The following CSTF1 variants were observed in gnomAD, a reference collection of about 807,000 sequenced individuals.
CSTF1 encodes cleavage stimulation factor subunit 1.
CSTF1 carries 2 observed loss-of-function variants against 40.9 expected under a neutral mutation model. The observed-to-expected ratio is 0.05, with a 90% CI of 0.02 to 0.15. The LOEUF (loss-of-function observed/expected upper bound fraction) is 0.15, where lower values mean the gene tolerates loss of function less well. Among genes scored for constraint, CSTF1 ranks in the 10% least tolerant of loss-of-function variants. The probability of loss-of-function intolerance (pLI) is 1.00; values close to 1 mark genes in which losing one functional copy is unlikely to be tolerated. For missense variants in CSTF1, 279 were observed against 558.9 expected (o/e 0.50, Z 5.05); for synonymous variants, 218 against 207.2 (o/e 1.05, Z -0.45).
intron 1 of CSTF1, among the ~76,000 whole-genome samples, chr20:56,393,913 T>G (rs1017177917): frequency 1.3e-5 from 2 of 152,152 alleles, no homozygotes; most frequent in Non-Finnish European, 2.9e-5. Flanking sequence ...TGCCCTCAGT[T>G]CAAGGTAATC....
rs1987553095 is a variant in CSTF1, at chr20:56,397,576, C to T, written c.448-68C>T. 1.3e-6 allele frequency: 2 copies of T among 1,596,804 alleles called. No individual in the cohort carries two copies. The highest frequency in any genetic ancestry group is 8.6e-7 in the Non-Finnish European group (1 of 1,165,802). ...GGTTGAAACCAGCTTTAGTTTGCTA[C>T]AGTTGTGGATTGTGCACTTGGATTC... is the stretch of plus-strand genomic sequence containing the variant. On this transcript the variant is annotated intron_variant, in intron 3 of 5. Coordinates refer to ENST00000217109, the MANE Select transcript of CSTF1 (RefSeq NM_001324.3). The surrounding 1 kb of genome is among the most constrained non-coding windows in gnomAD (Gnocchi z 4.4).
chr20:56,397,092 G>C lies in CSTF1; in HGVS notation c.170-115G>C. The C allele has an allele frequency of 8.6e-7, 1 of 1,156,788 alleles. No homozygotes were observed. Among genetic ancestry groups the C allele is most frequent in the South Asian group, 1.5e-5 (1 of 66,312 alleles). The allele number at this position is 1,156,788 out of a possible 1,614,324, so 71.7% of individuals were successfully genotyped here. On this transcript the variant is annotated intron_variant, in intron 2 of 5. Coordinates refer to ENST00000217109, the MANE Select transcript of CSTF1 (RefSeq NM_001324.3). This position sits in a 1 kb window ranked among gnomAD's most constrained non-coding sequence, Gnocchi z 4.4. ...AGTGTTAGGTGTCACGCGGCTCCAA[G>C]AAATAGGAGGTTGACACTGGTGAGC...
At chr20:56,394,655 C>G (rs188199294) in intron 1 of CSTF1, among the ~76,000 whole-genome samples, 154 of 152,336 alleles carry the variant, frequency 1.0e-3, no homozygotes, top group Middle Eastern at 3.4e-3. Context: ...ACACCTGTAG[C>G]CTTTTAATCT....
chr20:56,403,342 A>G (rs1978553610), intron 5 of CSTF1, 126 bp from the exon 6 acceptor site: 1 of 1,124,254 alleles, frequency 8.9e-7, no homozygotes, highest in Non-Finnish European at 1.3e-6. Flanking sequence ...ACTTTTTTAG[A>G]GTTTCTGAAA....
rs1978614824 is a variant in CSTF1 at position 56,404,403 on chromosome 20, T to G, written c.*676T>G. 1 of 152,238 alleles carries G rather than the reference T, an allele frequency of 6.6e-6. No homozygotes were observed. Among genetic ancestry groups the G allele is most frequent in the Non-Finnish European group, 1.5e-5 (1 of 68,040 alleles). 9.4% of individuals were successfully genotyped at this position (152,238 alleles called of 1,614,324 possible). On this transcript the variant is annotated 3_prime_UTR_variant, in exon 6 of 6. Coordinates refer to ENST00000217109, the MANE Select transcript of CSTF1 (RefSeq NM_001324.3). ...TTAGTAACTGTATTTCTGGTAAGAT[T>G]ATGATTTCATGAGAAACAATTGAAA...
In CSTF1 at chr20:56,404,609, G is replaced by T. The variant is rs1383459764; in HGVS notation, c.*882G>T. On this transcript the variant is annotated 3_prime_UTR_variant, in exon 6 of 6. Coordinates refer to ENST00000217109, the MANE Select transcript of CSTF1 (RefSeq NM_001324.3). Reference sequence around the variant, plus strand: ...GTAACTGCATTCTCAGAAGATTTATGCAGTTAACCAATTGATACAAGTTTT... The same window carrying T: ...GTAACTGCATTCTCAGAAGATTTATTCAGTTAACCAATTGATACAAGTTTT... 1 of 151,600 alleles carries T rather than the reference G, an allele frequency of 6.6e-6. No homozygotes were observed. The highest frequency in any genetic ancestry group is 1.5e-5 in the Non-Finnish European group (1 of 67,916). 9.4% of individuals were successfully genotyped at this position (151,600 alleles called of 1,614,324 possible).
chr20:56,403,410 C>A, intron 5 of CSTF1, 58 bp from the exon 6 acceptor site: 1 of 1,594,192 alleles, frequency 6.3e-7, no homozygotes, highest in Non-Finnish European at 8.6e-7. Flanking sequence ...AATGCTAGAA[C>A]GTTCTGAGGG....
chr20:56,399,916 G>A lies in CSTF1; in HGVS notation c.1036+559G>A, dbSNP rs1183343650. On this transcript the variant is annotated intron_variant, in intron 5 of 5. Transcript: ENST00000217109. The surrounding 1 kb of genome is among the most constrained non-coding windows in gnomAD (Gnocchi z 4.6). ...CTCATTGGTAACAGTAGTGCCTGTGGAGTCTTTTTATAATGAAATCCATTT... is the reference window on the plus strand; with the variant it reads ...CTCATTGGTAACAGTAGTGCCTGTGAAGTCTTTTTATAATGAAATCCATTT... Among the ~76,000 whole-genome samples, 1 of 152,166 alleles carries A rather than the reference G, an allele frequency of 6.6e-6. No homozygotes were observed. The highest frequency in any genetic ancestry group is 1.5e-5 in the Non-Finnish European group (1 of 68,040).
chr20:56,398,721 A>G (rs1415609305), intron 4 of CSTF1, among the ~76,000 whole-genome samples: 1 of 152,212 alleles, frequency 6.6e-6, no homozygotes, highest in Non-Finnish European at 1.5e-5. Flanking sequence ...CTCAGTGTTC[A>G]TTTGTAAATA....
rs554063545 is a variant in CSTF1 at position 56,406,030 on chromosome 20, G to A, written c.*2303G>A. 6.6e-6 allele frequency: 1 copy of A among 152,308 alleles called. No individual in the cohort carries two copies. Among genetic ancestry groups the A allele is most frequent in the East Asian group, 1.9e-4 (1 of 5,188 alleles). 9.4% of individuals were successfully genotyped at this position (152,308 alleles called of 1,614,324 possible). ...AGTTTTTCGAGTAGTCTCAGCAATG[G>A]ATCTGTAGTTTCAGGACCTGTTTTT... On this transcript the variant is annotated 3_prime_UTR_variant, in exon 6 of 6. Coordinates refer to ENST00000217109, the MANE Select transcript of CSTF1 (RefSeq NM_001324.3).
chr20:56,400,013 TC>T (rs1978384894), intron 5 of CSTF1, among the ~76,000 whole-genome samples: 1 of 152,214 alleles, frequency 6.6e-6, no homozygotes, highest in Admixed American at 6.5e-5. Context: ...TGTCTTCTGT[TC>T]CTTGTAGCAG....
chr20:56,395,975 A>C (rs114228278), intron 2 of CSTF1: 1 of 354,258 alleles, frequency 2.8e-6, no homozygotes, highest in Admixed American at 4.6e-5. Flanking sequence ...ACTCTGTCAG[A>C]CATATTACTG....
At chr20:56,394,422 A>G (rs898783667) in intron 1 of CSTF1, among the ~76,000 whole-genome samples, 1 of 152,194 alleles carries the variant, frequency 6.6e-6, no homozygotes, top group African/African-American at 2.4e-5. Flanking sequence ...CCCCGTCTCT[A>G]CTAAAAATAC....
At chr20:56,402,393 A>G (rs1186867390) in intron 5 of CSTF1, among the ~76,000 whole-genome samples, 1 of 151,700 alleles carries the variant, frequency 6.6e-6, no homozygotes, top group African/African-American at 2.4e-5. Context: ...ATTGACTGTT[A>G]CCTCTGATGG....
rs1164676883 is a variant in CSTF1, at chr20:56,406,224, A to G, written c.*2497A>G. 4 of 151,974 alleles carry G rather than the reference A, an allele frequency of 2.6e-5. No individual in the cohort carries two copies. Among genetic ancestry groups the G allele is most frequent in the Non-Finnish European group, 5.9e-5 (4 of 68,022 alleles). The allele number at this position is 151,974 out of a possible 1,614,324, so 9.4% of individuals were successfully genotyped here. A position where few individuals can be genotyped will look rare whatever the true frequency, so the allele number is the denominator to read the frequency against. On this transcript the variant is annotated 3_prime_UTR_variant, in exon 6 of 6. Transcript: ENST00000217109. ...GCCAGGAATATTATATGGACTTAGT[A>G]TCTGCATCTCGTTAATTGTACCACA...
Position 56,399,330 on chromosome 20 carries a change from A to G in CSTF1, c.1009A>G (p.Thr337Ala). 6.2e-7 allele frequency: 1 copy of G among 1,612,934 alleles called. No homozygotes were observed. Residue 337 changes from threonine to alanine, a missense_variant, in exon 5 of 6, where the codon ACG becomes GCG. Transcript: ENST00000217109. The surrounding 1 kb of genome is among the most constrained non-coding windows in gnomAD (Gnocchi z 4.6). ...TGTAGCTAAACTTTGGGAAATATCA[A>G]CGGGACGAACACTGGTCAGATACAC... is the stretch of plus-strand genomic sequence containing the variant. The part of the protein sequence containing the change: ...DSVAKLWEIS[T>A]GRTLVRYTGA...
chr20:56,392,430 G>A (rs1368430354), upstream of CSTF1: 2 of 152,304 alleles, frequency 1.3e-5, no homozygotes, highest in Non-Finnish European at 2.9e-5. Flanking sequence ...CCAGCCCCAG[G>A]GTGCTCTCCG....
chr20:56,401,404 CTT>C (rs751037530), intron 5 of CSTF1, among the ~76,000 whole-genome samples: 6 of 152,110 alleles, frequency 3.9e-5, no homozygotes, highest in Non-Finnish European at 8.8e-5. Context: ...TTTCAGGAGT[CTT>C]AAAGATTTAT....
At chr20:56,396,743 A>G (rs1355024246) in intron 2 of CSTF1, among the ~76,000 whole-genome samples, 1 of 152,210 alleles carries the variant, frequency 6.6e-6, no homozygotes, top group Non-Finnish European at 1.5e-5. Flanking sequence ...CATATTCTTG[A>G]TAAACCAGTT....
Sources: gnomAD v4.1 joint callset for allele counts (sites outside exome capture counted in the v4.1 genomes callset) on GRCh38, gnomAD v4.1.1 for gene constraint, Gnocchi (gnomAD v3.1) non-coding constraint, MANE v1.5 for transcripts, NCBI Gene and HGNC (gene_info 2026-07-23, HGNC 2026-07-21) for gene names.